The following KCNQ5 variants were observed in gnomAD, a reference collection of about 807,000 sequenced individuals.
KCNQ5 encodes potassium voltage-gated channel subfamily Q member 5.
Under a neutral mutation model 98.2 loss-of-function variants are expected in KCNQ5, and 30 were observed. That is an observed-to-expected ratio of 0.31 (90% CI 0.23 to 0.41). KCNQ5 has a LOEUF of 0.41. Among genes scored for constraint, KCNQ5 ranks in the 10% least tolerant of loss-of-function variants. KCNQ5 has a pLI of 1.00. For missense variants in KCNQ5, 835 were observed against 1,182.5 expected (o/e 0.71, Z 4.31); for synonymous variants, 458 against 449.4 (o/e 1.02, Z -0.24).
intron 11 of KCNQ5, among the ~76,000 whole-genome samples, chr6:73,180,484 G>T (rs1778369774): frequency 6.6e-6 from 1 of 152,126 alleles, no homozygotes; most frequent in Non-Finnish European, 1.5e-5. Flanking sequence ...GCACACTAAT[G>T]CCATGTCAAT....
chr6:72,703,054 G>A (rs1034511701), intron 1 of KCNQ5, among the ~76,000 whole-genome samples: 1 of 152,160 alleles, frequency 6.6e-6, no homozygotes, highest in Non-Finnish European at 1.5e-5. Flanking sequence ...ATGCAGATCT[G>A]TTTCTGTCAC....
chr6:72,714,630 C>T (rs1349270341), intron 1 of KCNQ5, among the ~76,000 whole-genome samples: 1 of 152,056 alleles, frequency 6.6e-6, no homozygotes, highest in Non-Finnish European at 1.5e-5. Flanking sequence ...TGGATAGTTA[C>T]CTTGGGTATT....
chr6:72,896,100 T>A (rs1342032419), intron 1 of KCNQ5, among the ~76,000 whole-genome samples: 1 of 152,206 alleles, frequency 6.6e-6, no homozygotes, highest in Non-Finnish European at 1.5e-5. Context: ...AACAAAGTTA[T>A]GTACAAATTA....
chr6:73,193,375 C>A (rs1765668822), intron 13 of KCNQ5, among the ~76,000 whole-genome samples: 1 of 151,390 alleles, frequency 6.6e-6, no homozygotes. Flanking sequence ...TGCCTGTAGT[C>A]CTAACACTTT....
At chr6:72,895,742 T>A (rs1779228333) in intron 1 of KCNQ5, among the ~76,000 whole-genome samples, 2 of 150,664 alleles carry the variant, frequency 1.3e-5, no homozygotes, top group African/African-American at 4.9e-5. Flanking sequence ...ATAGGCCTAA[T>A]GCATTTATTT....
chr6:72,744,850 G>A (rs1333140306), intron 1 of KCNQ5, among the ~76,000 whole-genome samples: 1 of 151,864 alleles, frequency 6.6e-6, no homozygotes, highest in East Asian at 1.9e-4. Context: ...GGTAAGAAAG[G>A]CAACAGAGGT....
chr6:72,961,546 C>T (rs1159498672), intron 1 of KCNQ5, among the ~76,000 whole-genome samples: 5 of 145,528 alleles, frequency 3.4e-5, no homozygotes, highest in Non-Finnish European at 7.4e-5. Context: ...GGCGTGAACC[C>T]GGGAGGCGGA....
chr6:72,983,858 G>T (rs935820499), intron 1 of KCNQ5, among the ~76,000 whole-genome samples: 1 of 152,118 alleles, frequency 6.6e-6, no homozygotes, highest in African/African-American at 2.4e-5. Flanking sequence ...ATGGGGTTTT[G>T]GTGTGGATGT....
chr6:73,085,734 C>G (rs117775846), intron 5 of KCNQ5, among the ~76,000 whole-genome samples: 2 of 152,196 alleles, frequency 1.3e-5, no homozygotes, highest in Non-Finnish European at 2.9e-5. Context: ...AAAGCAGGCA[C>G]TCTTTTCTAC....
intron 3 of KCNQ5, among the ~76,000 whole-genome samples, chr6:73,051,516 CA>C: frequency 6.6e-6 from 1 of 152,264 alleles, no homozygotes; most frequent in East Asian, 1.9e-4. Flanking sequence ...TCCACTTTAG[CA>C]GTTTCCTAAC....
At chr6:73,172,622 T>A (rs747934155) in intron 11 of KCNQ5, among the ~76,000 whole-genome samples, 3 of 152,198 alleles carry the variant, frequency 2.0e-5, no homozygotes, top group Non-Finnish European at 4.4e-5. Context: ...CAACATCAGT[T>A]GCCGGAGGGT....
chr6:73,015,901 T>G (rs1770316067), intron 2 of KCNQ5, among the ~76,000 whole-genome samples: 1 of 152,164 alleles, frequency 6.6e-6, no homozygotes, highest in Non-Finnish European at 1.5e-5. Context: ...TTCTTTCCTC[T>G]AACTTTCCTC....
chr6:72,722,796 A>G (rs532303432), intron 1 of KCNQ5, among the ~76,000 whole-genome samples: 1 of 151,832 alleles, frequency 6.6e-6, no homozygotes, highest in East Asian at 1.9e-4. Flanking sequence ...TAATGACAAT[A>G]ATAATAATAA....
At chr6:72,872,807 G>C in intron 1 of KCNQ5, among the ~76,000 whole-genome samples, 1 of 151,974 alleles carries the variant, frequency 6.6e-6, no homozygotes, top group East Asian at 1.9e-4. Flanking sequence ...CCCATCTCTG[G>C]AGAGTATTCA....
At chr6:72,885,239 C>T (rs1352730675) in intron 1 of KCNQ5, among the ~76,000 whole-genome samples, 2 of 152,180 alleles carry the variant, frequency 1.3e-5, no homozygotes, top group East Asian at 1.9e-4. Context: ...CAGCTTCATA[C>T]ATCAGTGCAT....
intron 11 of KCNQ5, among the ~76,000 whole-genome samples, chr6:73,183,124 A>G (rs1230739124): frequency 6.6e-6 from 1 of 152,226 alleles, no homozygotes; most frequent in Non-Finnish European, 1.5e-5. Flanking sequence ...ATGTCAGAGC[A>G]TACAAGGCAG....
rs1440088325 is a variant in KCNQ5 at position 72,622,394 on chromosome 6, G to C, written c.205G>C (p.Gly69Arg). 3 of 1,481,494 alleles carry C rather than the reference G, an allele frequency of 2.0e-6. No individual in the cohort carries two copies. In the South Asian group the frequency reaches 4.0e-5, roughly 20 times the overall value. The allele number at this position is 1,481,494 out of a possible 1,614,324, so 91.8% of individuals were successfully genotyped here. A position where few individuals can be genotyped will look rare whatever the true frequency, so the allele number is the denominator to read the frequency against. ...LLLGTRAATL[G>R]GGGGGLRESR... ...GCTGGGCACCCGCGCGGCCACGCTC[G>C]GTGGCGGCGGCGGTGGCCTGAGGGA... The change falls in exon 1 of 14, where the codon GGT (glycine) becomes CGT (arginine). Residue 69 changes from glycine (G) to arginine (R), a missense_variant. Around this residue, in one of 10 missense-constraint regions of KCNQ5, gnomAD observed 21 missense variants for 43.9 expected, o/e 0.48. Transcript: ENST00000370398. The surrounding 1 kb of genome is among the most constrained non-coding windows in gnomAD (Gnocchi z 6.0).
intron 10 of KCNQ5, among the ~76,000 whole-genome samples, chr6:73,166,451 A>G (rs1777798542): frequency 6.6e-6 from 1 of 150,520 alleles, no homozygotes; most frequent in Non-Finnish European, 1.5e-5. Context: ...AAAAAAAAAA[A>G]ACCGCTTCAT....
chr6:72,843,402 G>A (rs997666476), intron 1 of KCNQ5, among the ~76,000 whole-genome samples: 16 of 152,184 alleles, frequency 1.1e-4, no homozygotes, highest in Non-Finnish European at 2.2e-4. Flanking sequence ...AGTGTAGTTT[G>A]AAGTCAGGTA....
Sources: gnomAD v4.1 joint callset for allele counts (sites outside exome capture counted in the v4.1 genomes callset) on GRCh38, gnomAD v4.1.1 for gene constraint, gnomAD v4.1.1 regional missense constraint, Gnocchi (gnomAD v3.1) non-coding constraint, MANE v1.5 for transcripts, NCBI Gene and HGNC (gene_info 2026-07-23, HGNC 2026-07-21) for gene names.